The following DCC variants were observed in gnomAD, a reference collection of about 807,000 sequenced individuals.
The protein encoded by DCC is DCC netrin 1 receptor, also known as netrin receptor DCC.
Under a neutral mutation model 172.5 loss-of-function variants are expected in DCC, and 58 were observed. The ratio of observed to expected loss-of-function variants is 0.34; its 90% CI spans 0.27 to 0.42. The LOEUF (loss-of-function observed/expected upper bound fraction) is 0.42. Among genes scored for constraint, DCC ranks in the 10% least tolerant of loss-of-function variants. The probability of loss-of-function intolerance (pLI) is 1.00; values close to 1 mark genes in which losing one functional copy is unlikely to be tolerated. For missense variants in DCC, 1,740 were observed against 1,791.0 expected (o/e 0.97, Z 0.51); for synonymous variants, 709 against 644.5 (o/e 1.10, Z -1.52).
At chr18:52,599,378 A>G (rs1429940962) in intron 1 of DCC, among the ~76,000 whole-genome samples, 1 of 152,126 alleles carries the variant, frequency 6.6e-6, no homozygotes, top group Non-Finnish European at 1.5e-5. Context: ...TGTCATAACT[A>G]TTCAACTCTG....
intron 2 of DCC, among the ~76,000 whole-genome samples, chr18:52,784,138 A>G (rs1470827689): frequency 6.6e-6 from 1 of 151,956 alleles, no homozygotes; most frequent in East Asian, 1.9e-4. Flanking sequence ...AGTCCATGAG[A>G]TCAACTTTTT....
chr18:53,491,783 A>T (rs2045962275), intron 26 of DCC, among the ~76,000 whole-genome samples: 1 of 152,206 alleles, frequency 6.6e-6, no homozygotes, highest in Non-Finnish European at 1.5e-5. Flanking sequence ...GCCACAATAA[A>T]TATACACATG....
chr18:53,331,121 A>G (rs1368386828), intron 14 of DCC, among the ~76,000 whole-genome samples: 1 of 152,196 alleles, frequency 6.6e-6, no homozygotes, highest in Non-Finnish European at 1.5e-5. Context: ...ATAAATGTAG[A>G]ATGCATCCTA....
intron 1 of DCC, among the ~76,000 whole-genome samples, chr18:52,514,795 C>A (rs981915115): frequency 6.6e-6 from 1 of 151,974 alleles, no homozygotes. Flanking sequence ...GTAGCTTGAT[C>A]GAAAATAAGT....
intron 1 of DCC, among the ~76,000 whole-genome samples, chr18:52,738,292 C>T (rs2036759397): frequency 6.6e-6 from 1 of 152,090 alleles, no homozygotes; most frequent in Non-Finnish European, 1.5e-5. Context: ...GTGCAAACAT[C>T]ATAGAGTGTC....
intron 2 of DCC, among the ~76,000 whole-genome samples, chr18:52,754,838 A>G (rs1417668827): frequency 6.6e-6 from 1 of 152,172 alleles, no homozygotes; most frequent in East Asian, 1.9e-4. Context: ...GGGTCACTCT[A>G]CCTCAAAGTG....
chr18:53,429,037 A>G (rs1268580874), intron 21 of DCC, among the ~76,000 whole-genome samples: 3 of 46,728 alleles, frequency 6.4e-5, no homozygotes, highest in Non-Finnish European at 1.4e-4. Flanking sequence ...TATAATATAT[A>G]TTTTATATAT....
chr18:53,167,359 G>A (rs2054937324), intron 8 of DCC, among the ~76,000 whole-genome samples: 1 of 152,176 alleles, frequency 6.6e-6, no homozygotes, highest in African/African-American at 2.4e-5. Flanking sequence ...TGTAGATACA[G>A]GAGATTTTCT....
At chr18:52,529,639 G>C (rs999655190) in intron 1 of DCC, among the ~76,000 whole-genome samples, 4 of 152,146 alleles carry the variant, frequency 2.6e-5, no homozygotes, top group Admixed American at 2.6e-4. Context: ...AGTTCTTCCA[G>C]GTTTCTTCAA....
chr18:53,150,207 TG>T (rs1216896103), intron 7 of DCC, among the ~76,000 whole-genome samples: 1 of 152,220 alleles, frequency 6.6e-6, no homozygotes, highest in Non-Finnish European at 1.5e-5. Flanking sequence ...CCTCTGAGCT[TG>T]GTTTTTCATT....
At chr18:52,471,993 A>C (rs1671297) in intron 1 of DCC, among the ~76,000 whole-genome samples, 148,155 of 152,180 alleles carry the variant, frequency 0.97, 72,241 homozygotes, top group Middle Eastern at 1. Context: ...GAAGGGAGGA[A>C]GGGATCTTCT....
At chr18:52,828,984 A>G (rs375674924) in intron 2 of DCC, among the ~76,000 whole-genome samples, 9 of 152,206 alleles carry the variant, frequency 5.9e-5, no homozygotes, top group African/African-American at 2.2e-4. Flanking sequence ...GTATATGGTC[A>G]GGTAATGAAA....
intron 1 of DCC, among the ~76,000 whole-genome samples, chr18:52,648,150 G>C (rs1463185432): frequency 6.6e-6 from 1 of 152,174 alleles, no homozygotes. Flanking sequence ...GGAAGCTAGT[G>C]GTGTACTGGA....
chr18:52,460,749 A>G (rs371587629), intron 1 of DCC, among the ~76,000 whole-genome samples: 66 of 152,298 alleles, frequency 4.3e-4, no homozygotes, highest in African/African-American at 1.6e-3. Flanking sequence ...CAAAATATCT[A>G]AACATAGAAA....
At chr18:52,654,245 C>A (rs1226908094) in intron 1 of DCC, among the ~76,000 whole-genome samples, 3 of 152,078 alleles carry the variant, frequency 2.0e-5, no homozygotes, top group African/African-American at 7.2e-5. Context: ...ATTGCAAGAG[C>A]AGTAATGAAA....
chr18:52,935,527 A>G (rs993404266), intron 5 of DCC, among the ~76,000 whole-genome samples: 1 of 152,292 alleles, frequency 6.6e-6, no homozygotes, highest in Admixed American at 6.5e-5. Flanking sequence ...GAAAACATAT[A>G]CTTCAAAATT....
chr18:52,625,198 T>C (rs187099253), intron 1 of DCC, among the ~76,000 whole-genome samples: 65 of 152,310 alleles, frequency 4.3e-4, no homozygotes, highest in African/African-American at 1.3e-3. Context: ...CAGTCTGTCA[T>C]TGACGAAAAT....
intron 5 of DCC, among the ~76,000 whole-genome samples, chr18:53,054,339 A>AAT (rs1240499822): frequency 6.6e-6 from 1 of 151,958 alleles, no homozygotes; most frequent in Non-Finnish European, 1.5e-5. Flanking sequence ...CTCATATGAG[A>AAT]ATATATATAT....
chr18:52,909,770 G>C (rs573692484), intron 3 of DCC, among the ~76,000 whole-genome samples: 62 of 152,196 alleles, frequency 4.1e-4, no homozygotes, highest in Admixed American at 2.2e-3. Flanking sequence ...ATGTTTGCTA[G>C]GAATGAAATG....
Sources: gnomAD v4.1 joint callset for allele counts (sites outside exome capture counted in the v4.1 genomes callset) on GRCh38, gnomAD v4.1.1 for gene constraint, MANE v1.5 for transcripts, NCBI Gene and HGNC (gene_info 2026-07-23, HGNC 2026-07-21) for gene names.